The following ANXA9 variants were observed in gnomAD, a reference collection of about 807,000 sequenced individuals.
ANXA9 encodes the protein annexin A9, also known as annexin 31.
In ANXA9, 47 loss-of-function variants were observed where a neutral mutation model predicts 51.8. The observed-to-expected ratio is 0.91, with a 90% CI of 0.72 to 1.16. ANXA9 has a LOEUF of 1.16. ANXA9 is among the 50% of genes most tolerant of loss of function. The pLI, the probability that ANXA9 is intolerant of heterozygous loss-of-function variation, is 0.00. For missense variants in ANXA9, 361 were observed against 424.7 expected (o/e 0.85, Z 1.32); for synonymous variants, 154 against 168.7 (o/e 0.91, Z 0.68).
intron 12 of ANXA9, among the ~76,000 whole-genome samples, chr1:150,988,991 A>C (rs1337285525): frequency 1.5e-5 from 2 of 130,490 alleles, no homozygotes; most frequent in Non-Finnish European, 3.2e-5. Flanking sequence ...TTTTTTTTTG[A>C]GATGGAGTTT....
At chr1:150,978,077 A>C (rs1262914779), upstream of ANXA9, among the ~76,000 whole-genome samples, 1 of 152,168 alleles carries the variant, frequency 6.6e-6, no homozygotes. Context: ...GTGAGGTTGC[A>C]GTGAGCCGAG....
intron 13 of ANXA9, among the ~76,000 whole-genome samples, chr1:150,995,025 G>A (rs899555243): frequency 2.0e-5 from 3 of 152,252 alleles, no homozygotes; most frequent in Admixed American, 6.5e-5. Flanking sequence ...CCAGAAGGCA[G>A]AGGTTGCAGT....
intron 12 of ANXA9, among the ~76,000 whole-genome samples, chr1:150,991,243 T>C (rs1671691077): frequency 6.6e-6 from 1 of 151,054 alleles, no homozygotes; most frequent in African/African-American, 2.4e-5. Flanking sequence ...TTTATTTTTA[T>C]TTTTATTTTT....
chr1:150,989,691 T>C (rs1006488217), intron 12 of ANXA9, among the ~76,000 whole-genome samples: 1 of 152,020 alleles, frequency 6.6e-6, no homozygotes, highest in African/African-American at 2.4e-5. Flanking sequence ...ACTAAAAAAG[T>C]AGTTATCATT....
chr1:150,995,417 C>G lies in ANXA9; in HGVS notation c.*95C>G. 1 of 1,124,656 alleles carries G rather than the reference C, an allele frequency of 8.9e-7. No individual in the cohort carries two copies. Among genetic ancestry groups the G allele is most frequent in the Non-Finnish European group, 1.3e-6 (1 of 788,338 alleles). The allele number at this position is 1,124,656 out of a possible 1,614,324, so 69.7% of individuals were successfully genotyped here. On this transcript the variant is annotated 3_prime_UTR_variant, in exon 14 of 14. Transcript: ENST00000368947. ...CCAGCTGGGCCTCCAAGTAGGATAACCCCTCACTGAGCACCACATTCTCTA... is the reference window on the plus strand; with the variant it reads ...CCAGCTGGGCCTCCAAGTAGGATAAGCCCTCACTGAGCACCACATTCTCTA...
intron 12 of ANXA9, among the ~76,000 whole-genome samples, chr1:150,989,942 G>A (rs1233265137): frequency 2.0e-5 from 3 of 152,122 alleles, no homozygotes; most frequent in Non-Finnish European, 4.4e-5. Context: ...TATCCCAGCA[G>A]TAGATGATTT....
Position 150,995,579 on chromosome 1 carries a change from A to T in ANXA9, c.*257A>T. On this transcript the variant is annotated 3_prime_UTR_variant, in exon 14 of 14. Coordinates refer to ENST00000368947, the MANE Select transcript of ANXA9 (RefSeq NM_003568.3). ...TTCTTTGATAGTTTCTGCCTCACTC[A>T]TCCCTCCTGTACCCTGGCCAGAACA... The T allele has an allele frequency of 6.9e-6, 3 of 434,652 alleles. No individual in the cohort carries two copies. Among genetic ancestry groups the T allele is most frequent in the Non-Finnish European group, 1.2e-5 (3 of 244,194 alleles). The allele number at this position is 434,652 out of a possible 1,614,324, so 26.9% of individuals were successfully genotyped here. A position where few individuals can be genotyped will look rare whatever the true frequency, so the allele number is the denominator to read the frequency against.
At chr1:150,978,429 CAATA>C (rs1302403579), upstream of ANXA9, among the ~76,000 whole-genome samples, 4 of 152,084 alleles carry the variant, frequency 2.6e-5, no homozygotes, top group South Asian at 2.1e-4. Flanking sequence ...GACTCGGTCT[CAATA>C]AATAAATAAA....
chr1:150,984,574 A>G lies in ANXA9; in HGVS notation c.382-12A>G, dbSNP rs888512909. 6.2e-7 allele frequency: 1 copy of G among 1,613,362 alleles called. No individual in the cohort carries two copies. The highest frequency in any genetic ancestry group is 8.5e-7 in the Non-Finnish European group (1 of 1,179,514). On this transcript the variant is annotated splice_polypyrimidine_tract_variant and intron_variant, in intron 6 of 13. Coordinates refer to ENST00000368947, the MANE Select transcript of ANXA9 (RefSeq NM_003568.3). ...ACGGCCAGTCTGAGAGTAGACTCCC[A>G]ATTTCTTGTAGGCCTCAGATTCTGC... is the stretch of plus-strand genomic sequence containing the variant.
At chr1:150,979,512 C>T (rs1016572545), upstream of ANXA9, among the ~76,000 whole-genome samples, 10 of 152,296 alleles carry the variant, frequency 6.6e-5, no homozygotes, top group Non-Finnish European at 1.2e-4. Context: ...ACCTGAGGCT[C>T]TTCCCCTGAT....
chr1:150,994,791 C>G (rs1671793650), intron 13 of ANXA9, 92 bp downstream of exon 13: 3 of 1,547,360 alleles, frequency 1.9e-6, no homozygotes, highest in South Asian at 2.4e-5. Flanking sequence ...ATATTCTTGC[C>G]CCATAGAAAA....
chr1:150,983,415 G>C lies in ANXA9; in HGVS notation c.153G>C (p.Leu51=). Residue 51 remains leucine (L), a synonymous_variant, in exon 4 of 14, where the codon CTG becomes CTC. Coordinates refer to ENST00000368947, the MANE Select transcript of ANXA9 (RefSeq NM_003568.3). ...TGGACAAGGATGCGCAGAGGCTACT[G>C]AGGGCCATTACTGGCCAAGGTGAGC... ...FSVDKDAQRL[L]RAITGQGVDR... 6.2e-7 allele frequency: 1 copy of C among 1,612,640 alleles called. No individual in the cohort carries two copies. Among genetic ancestry groups the C allele is most frequent in the South Asian group, 1.1e-5 (1 of 90,698 alleles).
rs146668356 is a variant in ANXA9, at chr1:150,985,866, G to A, written c.473-470G>A. On this transcript the variant is annotated intron_variant, in intron 7 of 13. Transcript: ENST00000368947. ...ACAAGCATGAGCCACCGCCCTGGCC[G>A]TGGCCTATGTTCTTAATCCCTCTCC... Among the ~76,000 whole-genome samples the A allele has an allele frequency of 2.7e-3, 415 of 152,066 alleles. 1 individual carries two copies. The highest frequency in any genetic ancestry group is 6.8e-3 in the Middle Eastern group (2 of 294).
rs767960621 is a variant in ANXA9 at position 150,986,418 on chromosome 1, G to A, written c.552+3G>A. On this transcript the variant is annotated splice_donor_region_variant and intron_variant, in intron 8 of 13. Coordinates refer to ENST00000368947, the MANE Select transcript of ANXA9 (RefSeq NM_003568.3). Reference sequence around the variant, plus strand: ...ACCTGCTGTTGGCCCTGGCCAAGGTGAGGAGGACTGACCTGCAAGGAAGGG... The same window carrying A: ...ACCTGCTGTTGGCCCTGGCCAAGGTAAGGAGGACTGACCTGCAAGGAAGGG... 6 of 1,613,808 alleles carry A rather than the reference G, an allele frequency of 3.7e-6. No individual in the cohort carries two copies. The highest frequency in any genetic ancestry group is 4.2e-6 in the Non-Finnish European group (5 of 1,179,718).
At position 150,995,440 on chromosome 1, in the gene ANXA9, C is replaced by G. The variant is rs748628694; in HGVS notation, c.*118C>G. The stretch of plus-strand genomic sequence containing the variant: ...AACCCCTCACTGAGCACCACATTCT[C>G]TAGCTTCTTGTTGAGGCTGGAACTG... On this transcript the variant is annotated 3_prime_UTR_variant, in exon 14 of 14. Transcript: ENST00000368947. 5 of 867,924 alleles carry G rather than the reference C, an allele frequency of 5.8e-6. No individual in the cohort carries two copies. The highest frequency in any genetic ancestry group is 8.7e-6 in the Non-Finnish European group (5 of 575,782). 53.8% of individuals were successfully genotyped at this position (867,924 alleles called of 1,614,324 possible). A position where few individuals can be genotyped will look rare whatever the true frequency, so the allele number is the denominator to read the frequency against.
chr1:150,978,543 G>A (rs1156812762), upstream of ANXA9, among the ~76,000 whole-genome samples: 1 of 152,186 alleles, frequency 6.6e-6, no homozygotes, highest in African/African-American at 2.4e-5. Flanking sequence ...CTGAGAGGGA[G>A]CCCAAATCTG....
chr1:150,994,125 A>G (rs1449100586), intron 12 of ANXA9, among the ~76,000 whole-genome samples: 2 of 152,192 alleles, frequency 1.3e-5, no homozygotes, highest in Non-Finnish European at 2.9e-5. Flanking sequence ...GAACCCTATC[A>G]GAGCCTCATC....
chr1:150,986,650 C>T lies in ANXA9; in HGVS notation c.601C>T (p.Gln201Ter), dbSNP rs1044062137. The part of the protein sequence containing the change: ...SGIIDYNLAE[Q>*]DVQALQRAEG... ...AATCATTGACTATAATCTGGCAGAA[C>T]AAGATGTCCAGGTGAGCAGGGGGTT... The change falls in exon 9 of 14, where the codon CAA (glutamine) becomes TAA (stop). Residue 201 changes from glutamine (Q) to a stop codon, truncating the protein, a stop_gained. Transcript: ENST00000368947. LOFTEE classifies it high-confidence loss of function. 3 of 1,597,148 alleles carry T rather than the reference C, an allele frequency of 1.9e-6. No homozygotes were observed. In the African/African-American group the frequency reaches 4.1e-5, roughly 22 times the overall value.
At chr1:150,984,143 A>T (rs894488665) in intron 5 of ANXA9, 74 bp downstream of exon 5, 21 of 1,552,124 alleles carry the variant, frequency 1.4e-5, no homozygotes. Flanking sequence ...AGACAGCAAC[A>T]GCCGCTGAGG....
Sources: allele counts gnomAD v4.1 joint callset (sites outside exome capture counted in the v4.1 genomes callset), GRCh38; gene constraint gnomAD v4.1.1; transcripts MANE v1.5; gene names NCBI Gene and HGNC (gene_info 2026-07-23, HGNC 2026-07-21).